Variants in BTN3A1 observed in about 807,000 individuals in gnomAD.
BTN3A1 encodes the protein dJ45P21.3 (butyrophilin, subfamily 3, member A1).
Under a neutral mutation model 43.0 loss-of-function variants are expected in BTN3A1, and 24 were observed. The observed-to-expected ratio is 0.56, with a 90% CI of 0.40 to 0.78. The LOEUF (loss-of-function observed/expected upper bound fraction) is 0.78. Among genes scored for constraint, BTN3A1 ranks in the 30% least tolerant of loss-of-function variants. BTN3A1 has a pLI of 0.00. For synonymous variants in BTN3A1, 181 were observed against 234.7 expected (o/e 0.77, Z 2.09); for missense variants, 533 against 626.2 (o/e 0.85, Z 1.59).
Position 26,410,001 on chromosome 6 carries a change from T to C in BTN3A1, c.938-5T>C. 2 of 1,614,156 alleles carry C rather than the reference T, an allele frequency of 1.2e-6. No homozygotes were observed. Among genetic ancestry groups the C allele is most frequent in the African/African-American group, 1.3e-5 (1 of 75,044 alleles). On this transcript the variant is annotated splice_polypyrimidine_tract_variant and splice_region_variant and intron_variant, in intron 6 of 9. Coordinates refer to ENST00000289361, the MANE Select transcript of BTN3A1 (RefSeq NM_007048.6). ...ATGCATCTTCCCCTGTTCCTTCCGTTGCAGGATGGAGAAGTATCCAGTATG... is the reference window on the plus strand; with the variant it reads ...ATGCATCTTCCCCTGTTCCTTCCGTCGCAGGATGGAGAAGTATCCAGTATG...
rs778950432 is a variant in BTN3A1, at chr6:26,407,819, G to A, written c.582G>A (p.Val194=). ...ACATCCCGACTGTGGAAGCACCTGT[G>A]GTTGCAGACGGAGTGGGCCTGTATG... The part of the protein sequence containing the change: ...GENIPTVEAP[V]VADGVGLYAV... The change falls in exon 4 of 10, where the codon GTG becomes GTA. Residue 194 remains valine, a synonymous_variant. Transcript: ENST00000289361. 6.2e-7 allele frequency: 1 copy of A among 1,614,102 alleles called. No individual in the cohort carries two copies. Among genetic ancestry groups the A allele is most frequent in the Admixed American group, 1.7e-5 (1 of 60,002 alleles).
intron 2 of BTN3A1, 38 bp downstream of exon 2, chr6:26,405,686 AT>A: frequency 1.2e-6 from 2 of 1,609,564 alleles, no homozygotes; most frequent in Non-Finnish European, 1.7e-6. Context: ...GAAGCAGACA[AT>A]TACCTAATTA....
chr6:26,411,146 C>G lies in BTN3A1; in HGVS notation c.991+11C>G, dbSNP rs1762203624. ...ATTCAGCCTATAATGGTGAGTGAACCTGATGCTCTCTGAGTTTGCTGGGAC... is the reference window on the plus strand; with the variant it reads ...ATTCAGCCTATAATGGTGAGTGAACGTGATGCTCTCTGAGTTTGCTGGGAC... On this transcript the variant is annotated intron_variant, in intron 8 of 9. Transcript: ENST00000289361. 1 of 1,607,748 alleles carries G rather than the reference C, an allele frequency of 6.2e-7. No homozygotes were observed. The highest frequency in any genetic ancestry group is 8.5e-7 in the Non-Finnish European group (1 of 1,177,680).
chr6:26,407,735 C>T lies in BTN3A1; in HGVS notation c.498C>T (p.Cys166=). ...GYKDGGIHLE[C]RSTGWYPQPQ... ...AGGATGGAGGGATCCATCTGGAGTG[C>T]AGGTCCACTGGCTGGTACCCCCAAC... is the stretch of plus-strand genomic sequence containing the variant. Residue 166 remains cysteine, a synonymous_variant, in exon 4 of 10, where the codon TGC becomes TGT. Transcript: ENST00000289361. The T allele has an allele frequency of 6.2e-7, 1 of 1,614,206 alleles. No individual in the cohort carries two copies.
At chr6:26,412,877 G>C in intron 9 of BTN3A1, 1 of 1,498,794 alleles carries the variant, frequency 6.7e-7, no homozygotes, top group Non-Finnish European at 8.9e-7. Flanking sequence ...AGGGAAACAA[G>C]AAAAACGTAG....
At chr6:26,412,006 T>G (rs547745171) in intron 9 of BTN3A1, 1 of 220,496 alleles carries the variant, frequency 4.5e-6, no homozygotes, top group Non-Finnish European at 8.9e-6. Context: ...TTCTGAGCTT[T>G]GGCCTCCACA....
In BTN3A1 at chr6:26,413,534, G is replaced by A. The variant is rs1430864771; in HGVS notation, c.1384G>A (p.Val462Ile). ...KLPKPPKKVG[V>I]FLDYETGDIS... ...TCCTAAGCCCCCTAAGAAAGTGGGG[G>A]TCTTCCTGGACTATGAGACTGGAGA... The change falls in exon 10 of 10, where the codon GTC becomes ATC. Residue 462 changes from valine to isoleucine, a missense_variant. By Grantham distance (29) the Val-to-Ile change is conservative. Coordinates refer to ENST00000289361, the MANE Select transcript of BTN3A1 (RefSeq NM_007048.6). The A allele has an allele frequency of 1.9e-6, 3 of 1,614,028 alleles. No homozygotes were observed. The highest frequency in any genetic ancestry group is 1.3e-5 in the African/African-American group (1 of 74,900).
Position 26,407,673 on chromosome 6 carries a change from C to A in BTN3A1, c.436C>A (p.Leu146Met). The change falls in exon 4 of 10, where the codon CTG (leucine) becomes ATG (methionine). Residue 146 changes from leucine (L) to methionine (M), a missense_variant and splice_region_variant. Coordinates refer to ENST00000289361, the MANE Select transcript of BTN3A1 (RefSeq NM_007048.6). ...TAGGCTAATTCATCCTTCCACAGCA[C>A]TGGGTTCTGATCTTCACGTTGATGT... ...KALVELKVAALGSDLHVDVKG... is the reference protein window; with the variant it reads ...KALVELKVAAMGSDLHVDVKG... The A allele has an allele frequency of 6.2e-7, 1 of 1,613,994 alleles. No homozygotes were observed. Among genetic ancestry groups the A allele is most frequent in the Non-Finnish European group, 8.5e-7 (1 of 1,179,892 alleles).
At position 26,405,601 on chromosome 6, in the gene BTN3A1, A is replaced by G. The variant is rs753390954; in HGVS notation, c.38A>G (p.Asn13Ser). The G allele has an allele frequency of 5.0e-6, 8 of 1,613,990 alleles. No homozygotes were observed. In the East Asian group the frequency reaches 6.7e-5, roughly 13 times the overall value. The change falls in exon 2 of 10, where the codon AAC becomes AGC. Residue 13 changes from asparagine to serine, a missense_variant. Physicochemically the swap from Asn to Ser is conservative, Grantham distance 46 (BLOSUM62 1). Transcript: ENST00000289361. ...AGTTTCCTGGCCTTCCTTCTGCTCA[A>G]CTTTCGTGTCTGCCTCCTTTTGCTT... ...MASFLAFLLL[N>S]FRVCLLLLQL...
chr6:26,411,239 A>T, intron 8 of BTN3A1, 104 bp downstream of exon 8: 6 of 1,425,990 alleles, frequency 4.2e-6, no homozygotes, highest in South Asian at 1.3e-5. Flanking sequence ...CATGAATCAG[A>T]TTTAACCCAA....
At chr6:26,410,127 G>A (rs1762160477) in intron 7 of BTN3A1, 95 bp downstream of exon 7, 3 of 1,512,270 alleles carry the variant, frequency 2.0e-6, no homozygotes, top group African/African-American at 1.4e-5. Context: ...GTTGGGAAGT[G>A]GTCTTAGATC....
At position 26,411,557 on chromosome 6, in the gene BTN3A1, T is replaced by A; in HGVS notation, c.994T>A (p.Trp332Arg). The change falls in exon 9 of 10, where the codon TGG becomes AGG. Residue 332 changes from tryptophan (W) to arginine (R), a missense_variant and splice_region_variant. Transcript: ENST00000289361. Reference sequence around the variant, plus strand: ...TATCTGTGTCTCCTTCCTTTCAGAATGGAAAAAGGCCCTCTTCAAGCCTGG... The same window carrying A: ...TATCTGTGTCTCCTTCCTTTCAGAAAGGAAAAAGGCCCTCTTCAAGCCTGG... ...RGERHSAYNE[W>R]KKALFKPADV... 2 of 1,613,596 alleles carry A rather than the reference T, an allele frequency of 1.2e-6. No homozygotes were observed. Among genetic ancestry groups the A allele is most frequent in the South Asian group, 1.1e-5 (1 of 91,034 alleles).
chr6:26,407,913 C>G lies in BTN3A1; in HGVS notation c.676C>G (p.Leu226Val). The change falls in exon 4 of 10, where the codon CTC becomes GTC. Residue 226 changes from leucine to valine, a missense_variant. Physicochemically the swap from Leu to Val is conservative, Grantham distance 32. Around this residue, in one of 4 missense-constraint regions of BTN3A1, gnomAD observed 415 missense variants for 427.0 expected, o/e 0.97. Coordinates refer to ENST00000289361, the MANE Select transcript of BTN3A1 (RefSeq NM_007048.6). ...EGVSCTIRSS[L>V]LGLEKTASIS... ...TGTATCCTGTACCATCAGAAGTTCC[C>G]TCCTCGGCCTGGAAAAGACAGCCAG... The G allele has an allele frequency of 6.2e-7, 1 of 1,614,204 alleles. No homozygotes were observed.
chr6:26,408,211 G>A (rs570653706), intron 4 of BTN3A1, among the ~76,000 whole-genome samples: 24 of 152,226 alleles, frequency 1.6e-4, no homozygotes, highest in African/African-American at 5.3e-4. Context: ...AAGATAAGCT[G>A]CGTATGTAAA....
rs141759292 is a variant in BTN3A1 at position 26,405,355 on chromosome 6, T to C, written c.-192-17T>C. On this transcript the variant is annotated splice_polypyrimidine_tract_variant and intron_variant, in intron 1 of 9. Coordinates refer to ENST00000289361, the MANE Select transcript of BTN3A1 (RefSeq NM_007048.6). ...TCGAATAACAGATGTGCATTTCACA[T>C]AGACATGTTTTTACAGGTGATTTTC... 169 of 604,014 alleles carry C rather than the reference T, an allele frequency of 2.8e-4. No homozygotes were observed. In the East Asian group the frequency reaches 4.6e-3, roughly 17 times the overall value. The allele number at this position is 604,014 out of a possible 1,614,324, so 37.4% of individuals were successfully genotyped here. A position where few individuals can be genotyped will look rare whatever the true frequency, so the allele number is the denominator to read the frequency against.
At position 26,413,909 on chromosome 6, in the gene BTN3A1, T is replaced by C. The variant is rs577827587; in HGVS notation, c.*217T>C. On this transcript the variant is annotated 3_prime_UTR_variant, in exon 10 of 10. Transcript: ENST00000289361. ...ACGCACTGAAGCACTTTACTGATAC[T>C]CATTCAATTATTCATATGACAGTTG... 216 of 758,946 alleles carry C rather than the reference T, an allele frequency of 2.8e-4. 4 individuals carry two copies. In the East Asian group the frequency reaches 6.1e-3, roughly 21 times the overall value. The allele number at this position is 758,946 out of a possible 1,614,324, so 47.0% of individuals were successfully genotyped here.
rs775272201 is a variant in BTN3A1 at position 26,407,954 on chromosome 6, T to G, written c.715+2T>G. 1.2e-6 allele frequency: 2 copies of G among 1,613,814 alleles called. No individual in the cohort carries two copies. The highest frequency in any genetic ancestry group is 1.7e-6 in the Non-Finnish European group (2 of 1,179,798). ...AGACAGCCAGCATTTCCATCGCAGGTCAGTACCTGCTTGGCCTCAGGTTTT... is the reference window on the plus strand; with the variant it reads ...AGACAGCCAGCATTTCCATCGCAGGGCAGTACCTGCTTGGCCTCAGGTTTT... On this transcript the variant is annotated splice_donor_variant, in intron 4 of 9. Transcript: ENST00000289361. LOFTEE classifies it high-confidence loss of function.
intron 2 of BTN3A1, 77 bp from the exon 3 acceptor site, chr6:26,405,832 C>T (rs1159756582): frequency 4.3e-6 from 7 of 1,610,852 alleles, no homozygotes. Flanking sequence ...TCTCGCCTTC[C>T]CTGTCTGAGA....
intron 9 of BTN3A1, chr6:26,412,496 A>T: frequency 6.5e-7 from 1 of 1,548,740 alleles, no homozygotes; most frequent in East Asian, 2.4e-5. Flanking sequence ...CAGAGGACAG[A>T]TTCCTGGGGC....
Sources: gnomAD v4.1 joint callset for allele counts (sites outside exome capture counted in the v4.1 genomes callset) on GRCh38, gnomAD v4.1.1 for gene constraint, gnomAD v4.1.1 regional missense constraint, MANE v1.5 for transcripts, NCBI Gene and HGNC (gene_info 2026-07-23, HGNC 2026-07-21) for gene names.